The following ABCA13 variants were observed in gnomAD, a reference collection of about 807,000 sequenced individuals.
ABCA13 encodes ATP binding cassette subfamily A member 13.
A neutral mutation model predicts 478.7 loss-of-function variants in ABCA13; 476 were observed. The observed-to-expected ratio is 0.99, with a 90% CI of 0.92 to 1.07. ABCA13 has a LOEUF of 1.07. ABCA13 is among the 50% of genes least tolerant of loss of function. The pLI, the probability that ABCA13 is intolerant of heterozygous loss-of-function variation, is 0.00. For missense variants in ABCA13, 6,060 were observed against 5,910.6 expected, an observed-to-expected ratio of 1.03 and a Z score of -0.83; for synonymous variants, 2,252 against 2,158.9, an observed-to-expected ratio of 1.04 and a Z score of -1.20.
intron 30 of ABCA13, among the ~76,000 whole-genome samples, chr7:48,351,750 G>A (rs1809034087): frequency 6.6e-6 from 1 of 152,134 alleles, no homozygotes; most frequent in Non-Finnish European, 1.5e-5. Context: ...GCTGTGATAG[G>A]CTTTATGCAT....
intron 55 of ABCA13, among the ~76,000 whole-genome samples, chr7:48,530,698 G>T (rs186020924): frequency 2.4e-4 from 37 of 152,136 alleles, no homozygotes; most frequent in Non-Finnish European, 4.9e-4. Flanking sequence ...GAGTGAAGTG[G>T]TACCACATTG....
intron 1 of ABCA13, among the ~76,000 whole-genome samples, chr7:48,182,166 G>A (rs1469637441): frequency 6.6e-6 from 1 of 152,086 alleles, no homozygotes; most frequent in Non-Finnish European, 1.5e-5. Flanking sequence ...CATAATAATT[G>A]CGGATTCAAA....
At chr7:48,221,138 T>C in intron 4 of ABCA13, 143 bp from the exon 5 acceptor site, 1 of 497,994 alleles carries the variant, frequency 2.0e-6, no homozygotes, top group South Asian at 2.2e-5. Context: ...TGAAGATAGA[T>C]TTATTCTTCA....
At chr7:48,344,446 G>A (rs926504380) in intron 29 of ABCA13, among the ~76,000 whole-genome samples, 2 of 152,096 alleles carry the variant, frequency 1.3e-5, no homozygotes, top group Non-Finnish European at 2.9e-5. Context: ...CCATGTCTGG[G>A]GTCCTCAGGT....
At chr7:48,402,254 G>C (rs953190372) in intron 38 of ABCA13, among the ~76,000 whole-genome samples, 1 of 152,192 alleles carries the variant, frequency 6.6e-6, no homozygotes, top group Admixed American at 6.5e-5. Flanking sequence ...GAACATGCAC[G>C]TTTGAGAACA....
intron 40 of ABCA13, among the ~76,000 whole-genome samples, chr7:48,411,912 G>A (rs1269981984): frequency 2.6e-5 from 4 of 152,116 alleles, no homozygotes; most frequent in East Asian, 1.9e-4. Context: ...CTCATTCAGC[G>A]TGAATGTCAT....
chr7:48,184,587 AG>A (rs1266116254), intron 1 of ABCA13, among the ~76,000 whole-genome samples: 4 of 152,128 alleles, frequency 2.6e-5, no homozygotes, highest in Non-Finnish European at 5.9e-5. Flanking sequence ...TGGAAGGCTG[AG>A]GTGGGCAGAT....
intron 3 of ABCA13, among the ~76,000 whole-genome samples, chr7:48,217,700 C>T (rs909627360): frequency 6.6e-6 from 1 of 152,154 alleles, no homozygotes; most frequent in African/African-American, 2.4e-5. Flanking sequence ...CAAGTGGGTC[C>T]TTCACAGAAT....
Position 48,239,403 on chromosome 7 carries a change from C to T in ABCA13, c.1060C>T (p.Gln354Ter). The T allele has an allele frequency of 1.2e-6, 2 of 1,611,490 alleles. No individual in the cohort carries two copies. The highest frequency in any genetic ancestry group is 1.7e-6 in the Non-Finnish European group (2 of 1,178,486). ...AGTCAGCTGGCTGCGAGTCTACCAACAGGTGCTGTCCCCTCTCTCTATGTT... is the reference window on the plus strand; with the variant it reads ...AGTCAGCTGGCTGCGAGTCTACCAATAGGTGCTGTCCCCTCTCTCTATGTT... ...HAVSWLRVYQ[Q>*]VFVQWQQGSL... The change falls in exon 9 of 62, where the codon CAG becomes TAG. Residue 354 changes from glutamine to a stop codon, truncating the protein, a stop_gained and splice_region_variant. Transcript: ENST00000435803. LOFTEE classifies it high-confidence loss of function.
intron 58 of ABCA13, among the ~76,000 whole-genome samples, chr7:48,600,781 G>T (rs1790809373): frequency 6.6e-6 from 1 of 151,912 alleles, no homozygotes; most frequent in Admixed American, 6.6e-5. Flanking sequence ...ATCTTTTAAA[G>T]AAGATAAGAA....
intron 20 of ABCA13, among the ~76,000 whole-genome samples, chr7:48,292,189 C>T (rs770143784): frequency 6.6e-5 from 10 of 152,142 alleles, no homozygotes; most frequent in Non-Finnish European, 1.3e-4. Context: ...CTTTACTCAT[C>T]TGAAAAAAAA....
chr7:48,615,418 A>C (rs1409308749), intron 59 of ABCA13, 41 bp downstream of exon 59: 8 of 1,506,058 alleles, frequency 5.3e-6, no homozygotes, highest in Non-Finnish European at 7.2e-6. Context: ...TTTACTATGA[A>C]ATCAATAGCA....
chr7:48,570,286 A>G (rs1787485200), intron 55 of ABCA13, among the ~76,000 whole-genome samples: 1 of 137,746 alleles, frequency 7.3e-6, no homozygotes, highest in Non-Finnish European at 1.6e-5. Flanking sequence ...TCTCTTTTGG[A>G]TACTGATTTC....
chr7:48,528,412 T>G (rs1833019768), intron 55 of ABCA13, 67 bp downstream of exon 55: 1 of 1,103,104 alleles, frequency 9.1e-7, no homozygotes, highest in Non-Finnish European at 1.2e-6. Context: ...CCCCAGCATT[T>G]TCCCTCAGTC....
intron 42 of ABCA13, among the ~76,000 whole-genome samples, chr7:48,437,775 G>T (rs1823038901): frequency 6.6e-6 from 1 of 151,982 alleles, no homozygotes; most frequent in African/African-American, 2.4e-5. Flanking sequence ...GATCCCCTGG[G>T]TCTTGAGATC....
At chr7:48,617,958 A>T (rs1417175143) in intron 59 of ABCA13, among the ~76,000 whole-genome samples, 1 of 152,150 alleles carries the variant, frequency 6.6e-6, no homozygotes, top group Non-Finnish European at 1.5e-5. Context: ...AACAAAATAG[A>T]AAGTGAAGTG....
chr7:48,504,003 T>C (rs934455013), intron 48 of ABCA13, among the ~76,000 whole-genome samples: 3 of 152,220 alleles, frequency 2.0e-5, no homozygotes, highest in African/African-American at 7.2e-5. Context: ...AATTATTATT[T>C]GTCAGTTATA....
intron 15 of ABCA13, among the ~76,000 whole-genome samples, chr7:48,268,756 T>A (rs745561429): frequency 1.6e-4 from 24 of 152,078 alleles, no homozygotes; most frequent in Non-Finnish European, 2.6e-4. Flanking sequence ...GTTTACTGCC[T>A]TTCATGGATC....
chr7:48,186,713 A>G (rs2128881450), intron 1 of ABCA13, among the ~76,000 whole-genome samples: 1 of 152,022 alleles, frequency 6.6e-6, no homozygotes, highest in South Asian at 2.1e-4. Flanking sequence ...GTTTTTTCTA[A>G]TTTATTTTTT....
Sources: gnomAD v4.1 joint callset for allele counts (sites outside exome capture counted in the v4.1 genomes callset) on GRCh38, gnomAD v4.1.1 for gene constraint, MANE v1.5 for transcripts, NCBI Gene and HGNC (gene_info 2026-07-23, HGNC 2026-07-21) for gene names.